The following HS6ST3 variants were observed in gnomAD, a reference collection of about 807,000 sequenced individuals.
The protein encoded by HS6ST3 is heparan-sulfate 6-O-sulfotransferase 3.
In HS6ST3, 12 loss-of-function variants were observed where a neutral mutation model predicts 36.7. The observed-to-expected ratio is 0.33, with a 90% CI of 0.21 to 0.53. The LOEUF (loss-of-function observed/expected upper bound fraction) is 0.53, where lower values mean the gene tolerates loss of function less well. Among genes scored for constraint, HS6ST3 ranks in the 20% least tolerant of loss-of-function variants. HS6ST3 has a pLI of 0.95. For synonymous variants in HS6ST3, 240 were observed against 257.5 expected, an observed-to-expected ratio of 0.93 and a Z score of 0.65; for missense variants, 584 against 640.9, an observed-to-expected ratio of 0.91 and a Z score of 0.96.
chr13:96,809,517 G>C (rs1878269770), intron 1 of HS6ST3, among the ~76,000 whole-genome samples: 1 of 152,202 alleles, frequency 6.6e-6, no homozygotes, highest in African/African-American at 2.4e-5. Flanking sequence ...CCACTGAAGA[G>C]GGATTCTGAT....
At chr13:96,230,880 G>A (rs1336050986) in intron 1 of HS6ST3, among the ~76,000 whole-genome samples, 1 of 152,114 alleles carries the variant, frequency 6.6e-6, no homozygotes, top group African/African-American at 2.4e-5. Flanking sequence ...GGATCCAAAT[G>A]ATTAACTTGG....
intron 1 of HS6ST3, among the ~76,000 whole-genome samples, chr13:96,637,383 T>C (rs908239403): frequency 5.3e-5 from 8 of 152,096 alleles, no homozygotes; most frequent in Non-Finnish European, 1.0e-4. Flanking sequence ...TTGAGAAAAA[T>C]ACAGCACACA....
At chr13:96,217,475 G>A (rs1009382762) in intron 1 of HS6ST3, among the ~76,000 whole-genome samples, 2 of 152,166 alleles carry the variant, frequency 1.3e-5, no homozygotes, top group African/African-American at 4.8e-5. Flanking sequence ...CATATTGTGT[G>A]TGCATCACTA....
intron 1 of HS6ST3, among the ~76,000 whole-genome samples, chr13:96,805,594 G>A (rs961338239): frequency 1.3e-5 from 2 of 152,198 alleles, no homozygotes; most frequent in East Asian, 3.9e-4. Flanking sequence ...TGCTAAGTAA[G>A]CATATTGTTG....
At chr13:96,215,494 G>C (rs190115427) in intron 1 of HS6ST3, among the ~76,000 whole-genome samples, 1 of 152,100 alleles carries the variant, frequency 6.6e-6, no homozygotes, top group Non-Finnish European at 1.5e-5. Context: ...ATATAAAACT[G>C]TGTACTCTTC....
At chr13:96,681,788 T>C (rs894040895) in intron 1 of HS6ST3, among the ~76,000 whole-genome samples, 2 of 152,118 alleles carry the variant, frequency 1.3e-5, no homozygotes, top group African/African-American at 2.4e-5. Context: ...AACCACTAAG[T>C]CTGGATTTGC....
intron 1 of HS6ST3, among the ~76,000 whole-genome samples, chr13:96,746,186 T>C (rs901648151): frequency 6.6e-6 from 1 of 152,118 alleles, no homozygotes; most frequent in Non-Finnish European, 1.5e-5. Flanking sequence ...TATATAGTTA[T>C]GTATCTAACC....
intron 1 of HS6ST3, among the ~76,000 whole-genome samples, chr13:96,152,306 G>A (rs570258978): frequency 2.0e-3 from 282 of 140,384 alleles, no homozygotes; most frequent in Middle Eastern, 0.015. Flanking sequence ...ATTTCCAACT[G>A]GCCCCTTTCC....
rs1878330844 is a variant in HS6ST3 at position 96,812,249 on chromosome 13, T to G, written c.708-20241T>G. Among the ~76,000 whole-genome samples the G allele has an allele frequency of 2.6e-5, 4 of 152,190 alleles. No homozygotes were observed. In the South Asian group the frequency reaches 8.3e-4, roughly 32 times the overall value. On this transcript the variant is annotated intron_variant, in intron 1 of 1. Coordinates refer to ENST00000376705, the MANE Select transcript of HS6ST3 (RefSeq NM_153456.4). ...TTTAAAAATTAATACTAGTCATCCC[T>G]GTTCTTCAAATGTTTCAACAACTCC...
chr13:96,776,887 A>G (rs1364211926), intron 1 of HS6ST3, among the ~76,000 whole-genome samples: 1 of 151,978 alleles, frequency 6.6e-6, no homozygotes, highest in East Asian at 1.9e-4. Context: ...AGTCACAACA[A>G]AAAAAGAAAA....
chr13:96,274,871 AC>A (rs2054740353), intron 1 of HS6ST3, among the ~76,000 whole-genome samples: 1 of 151,274 alleles, frequency 6.6e-6, no homozygotes, highest in Non-Finnish European at 1.5e-5. Context: ...ACACACACAC[AC>A]ACACACACAC....
chr13:96,808,414 A>G (rs539877791), intron 1 of HS6ST3, among the ~76,000 whole-genome samples: 2 of 152,278 alleles, frequency 1.3e-5, no homozygotes, highest in Admixed American at 1.3e-4. Flanking sequence ...ATCCTCTGGT[A>G]TGGCAGCCAG....
At chr13:96,223,236 A>G (rs954921787) in intron 1 of HS6ST3, among the ~76,000 whole-genome samples, 1 of 152,226 alleles carries the variant, frequency 6.6e-6, no homozygotes, top group African/African-American at 2.4e-5. Flanking sequence ...GGAGCAGGGA[A>G]GCAGAGTGGG....
At chr13:96,208,452 TG>T (rs1257659850) in intron 1 of HS6ST3, among the ~76,000 whole-genome samples, 2 of 152,134 alleles carry the variant, frequency 1.3e-5, no homozygotes, top group Non-Finnish European at 2.9e-5. Context: ...AATTATTAGA[TG>T]GGGGGTTGCC....
chr13:96,327,650 C>T (rs1377443993), intron 1 of HS6ST3, among the ~76,000 whole-genome samples: 1 of 151,360 alleles, frequency 6.6e-6, no homozygotes. Flanking sequence ...TTAGGATTGA[C>T]TTGGCGATGC....
At chr13:96,254,434 AAAAAAAAAAAAAAAATATAT>A (rs2054623233) in intron 1 of HS6ST3, among the ~76,000 whole-genome samples, 1 of 57,148 alleles carries the variant, frequency 1.7e-5, no homozygotes, top group Non-Finnish European at 3.2e-5. Flanking sequence ...AAAAAAAAAA[AAAAAAAAAAAAAAAATATAT>A]ATATATATAT....
intron 1 of HS6ST3, among the ~76,000 whole-genome samples, chr13:96,223,654 G>C (rs1230952217): frequency 1.7e-5 from 2 of 120,826 alleles, no homozygotes; most frequent in African/African-American, 2.8e-5. Context: ...GAATGGATAT[G>C]GGGGGGGGGA....
At chr13:96,144,783 C>T (rs1413348487) in intron 1 of HS6ST3, among the ~76,000 whole-genome samples, 1 of 88,028 alleles carries the variant, frequency 1.1e-5, no homozygotes, top group Non-Finnish European at 2.2e-5. Flanking sequence ...AATGCTCTCC[C>T]TCCCCCCTCC....
rs1311548480 is a variant in HS6ST3 at position 96,213,327 on chromosome 13, G to A, written c.707+121758G>A. 2.0e-5 allele frequency among the ~76,000 whole-genome samples: 3 copies of A among 152,128 alleles called. 1 individual carries two copies. The highest frequency in any genetic ancestry group is 1.5e-5 in the Non-Finnish European group (1 of 68,012). ...CTTATGACCCTTTTTTGTGGTCCCTGTGTTCCTTTGCTTTTTTCTCTGATT... is the reference window on the plus strand; with the variant it reads ...CTTATGACCCTTTTTTGTGGTCCCTATGTTCCTTTGCTTTTTTCTCTGATT... On this transcript the variant is annotated intron_variant, in intron 1 of 1. Coordinates refer to ENST00000376705, the MANE Select transcript of HS6ST3 (RefSeq NM_153456.4).
Sources: gnomAD v4.1 joint callset for allele counts (sites outside exome capture counted in the v4.1 genomes callset) on GRCh38, gnomAD v4.1.1 for gene constraint, MANE v1.5 for transcripts, NCBI Gene and HGNC (gene_info 2026-07-23, HGNC 2026-07-21) for gene names.